The following ATP2C2 variants were observed in gnomAD, a reference collection of about 807,000 sequenced individuals.
The protein encoded by ATP2C2 is calcium-transporting ATPase type 2C member 2.
Under a neutral mutation model 110.8 loss-of-function variants are expected in ATP2C2, and 171 were observed. The observed-to-expected ratio is 1.54, with a 90% CI of 1.36 to 1.75. ATP2C2 has a LOEUF of 1.75. Ranked by LOEUF, ATP2C2 falls within the 40% of genes most tolerant of loss-of-function variation. ATP2C2 has a pLI of 0.00. For synonymous variants in ATP2C2, 804 were observed against 508.4 expected (o/e 1.58, Z -7.82); for missense variants, 1,963 against 1,235.0 (o/e 1.59, Z -8.84).
At chr16:84,405,313 C>CAACA in intron 3 of ATP2C2, 69 bp downstream of exon 3, 1 of 1,356,692 alleles carries the variant, frequency 7.4e-7, no homozygotes, top group Non-Finnish European at 1.0e-6. Context: ...GCCATTCCAT[C>CAACA]TTTCAATGTT....
intron 1 of ATP2C2, among the ~76,000 whole-genome samples, chr16:84,381,248 C>T (rs544758290): frequency 1.7e-4 from 26 of 152,084 alleles, no homozygotes; most frequent in Non-Finnish European, 2.8e-4. Flanking sequence ...AGTTAGAGTG[C>T]GGCAGAAACA....
Position 84,452,012 on chromosome 16 carries a change from A to T in ATP2C2, c.1752A>T (p.Glu584Asp), listed in dbSNP as rs1453967595. The change falls in exon 18 of 27, where the codon GAA becomes GAT. Residue 584 changes from glutamate to aspartate, a missense_variant. Physicochemically the swap from Glu to Asp is conservative, Grantham distance 45 (BLOSUM62 2). Coordinates refer to ENST00000262429, the MANE Select transcript of ATP2C2 (RefSeq NM_014861.4). ...ACCCCCCGAGAGTTGGCGTGAAGGAAGCAGTCCAGGTTCTCTCCGAGTCTG... is the reference window on the plus strand; with the variant it reads ...ACCCCCCGAGAGTTGGCGTGAAGGATGCAGTCCAGGTTCTCTCCGAGTCTG... ...IIDPPRVGVKEAVQVLSESGV... is the reference protein window; with the variant it reads ...IIDPPRVGVKDAVQVLSESGV... 6.2e-7 allele frequency: 1 copy of T among 1,613,172 alleles called. No homozygotes were observed. The highest frequency in any genetic ancestry group is 2.2e-5 in the East Asian group (1 of 44,814).
At chr16:84,437,008 C>T (rs901015105) in intron 11 of ATP2C2, among the ~76,000 whole-genome samples, 5 of 151,886 alleles carry the variant, frequency 3.3e-5, no homozygotes, top group African/African-American at 7.3e-5. Context: ...GTGATCGAGG[C>T]GCCTCAGCCT....
chr16:84,378,695 G>A (rs995820515), intron 1 of ATP2C2, among the ~76,000 whole-genome samples: 1 of 152,230 alleles, frequency 6.6e-6, no homozygotes, highest in Non-Finnish European at 1.5e-5. Context: ...AGCGCTCAGT[G>A]GTGGGGGCAG....
At position 84,453,161 on chromosome 16, in the gene ATP2C2, G is replaced by T; in HGVS notation, c.1855G>T (p.Gly619Trp). 1.9e-6 allele frequency: 3 copies of T among 1,613,478 alleles called. No individual in the cohort carries two copies. The highest frequency in any genetic ancestry group is 2.2e-5 in the East Asian group (1 of 44,850). The change falls in exon 19 of 27, where the codon GGG becomes TGG. Residue 619 changes from glycine (G) to tryptophan (W), a missense_variant. Coordinates refer to ENST00000262429, the MANE Select transcript of ATP2C2 (RefSeq NM_014861.4). The part of the protein sequence containing the change: ...AIGRNIGLCN[G>W]KLQAMSGEEV... ...AGGAAGAAACATCGGCCTGTGCAAC[G>T]GGAAGCTGCAAGCCATGTCCGGGGA...
chr16:84,433,341 C>G (rs938059520), intron 11 of ATP2C2, among the ~76,000 whole-genome samples: 2 of 152,018 alleles, frequency 1.3e-5, no homozygotes, highest in Admixed American at 1.3e-4. Flanking sequence ...CATGATCTTG[C>G]CACTGCACTC....
chr16:84,432,414 G>A (rs1193516269), intron 11 of ATP2C2, among the ~76,000 whole-genome samples: 1 of 151,966 alleles, frequency 6.6e-6, no homozygotes, highest in Non-Finnish European at 1.5e-5. Flanking sequence ...TAGGCATTTG[G>A]CCTAATGCTC....
At chr16:84,402,932 G>T (rs1905432261) in intron 2 of ATP2C2, among the ~76,000 whole-genome samples, 1 of 152,154 alleles carries the variant, frequency 6.6e-6, no homozygotes, top group Non-Finnish European at 1.5e-5. Flanking sequence ...CTAACCGGAA[G>T]ACTTTTTATT....
At chr16:84,383,502 C>A (rs1351400570) in intron 1 of ATP2C2, among the ~76,000 whole-genome samples, 6 of 152,194 alleles carry the variant, frequency 3.9e-5, no homozygotes. Flanking sequence ...GAACCTGTTT[C>A]TTCCCAGCCA....
intron 23 of ATP2C2, 190 bp downstream of exon 23, chr16:84,459,576 T>C (rs1209893220): frequency 6.5e-7 from 1 of 1,536,136 alleles, no homozygotes; most frequent in African/African-American, 1.4e-5. Context: ...AGAAAGTACC[T>C]GGGCCGGCAG....
At chr16:84,406,798 T>C (rs964931829) in intron 3 of ATP2C2, 3 of 294,188 alleles carry the variant, frequency 1.0e-5, no homozygotes, top group African/African-American at 2.3e-5. Context: ...TGGAGATCTC[T>C]TTGCTCTGCC....
chr16:84,383,867 G>A (rs560386929), intron 1 of ATP2C2, among the ~76,000 whole-genome samples: 2 of 142,894 alleles, frequency 1.4e-5, no homozygotes, highest in African/African-American at 2.6e-5. Context: ...TCGGCTCACT[G>A]CAGCATCCAA....
At chr16:84,432,043 G>A (rs1001458365) in intron 11 of ATP2C2, among the ~76,000 whole-genome samples, 1 of 152,166 alleles carries the variant, frequency 6.6e-6, no homozygotes, top group African/African-American at 2.4e-5. Context: ...CCCTGAGAGA[G>A]ATGGCAAACC....
At chr16:84,432,063 G>C (rs1261244052) in intron 11 of ATP2C2, among the ~76,000 whole-genome samples, 3 of 152,096 alleles carry the variant, frequency 2.0e-5, no homozygotes, top group Non-Finnish European at 4.4e-5. Context: ...CTGGATGGCC[G>C]CTCCCCCAAC....
intron 2 of ATP2C2, among the ~76,000 whole-genome samples, chr16:84,400,605 G>T (rs1003057838): frequency 6.6e-6 from 1 of 152,178 alleles, no homozygotes; most frequent in Admixed American, 6.5e-5. Context: ...GGGATTACAG[G>T]CATGAGCCAC....
chr16:84,422,655 C>G lies in ATP2C2; in HGVS notation c.801C>G (p.Ser267Arg). The change falls in exon 9 of 27, where the codon AGC becomes AGG. Residue 267 changes from serine (S) to arginine (R), a missense_variant. Physicochemically the swap from Ser to Arg is moderately radical, Grantham distance 110. Transcript: ENST00000262429. Reference sequence around the variant, plus strand: ...GGGTCGTGATTGGAACAGGGGAAAGCTCTCAGTTCGGAGAAGTGTTTAAGA... The same window carrying G: ...GGGTCGTGATTGGAACAGGGGAAAGGTCTCAGTTCGGAGAAGTGTTTAAGA... Reference protein sequence around the residue: ...GQGVVIGTGESSQFGEVFKMM... With the variant: ...GQGVVIGTGERSQFGEVFKMM... 1.2e-6 allele frequency: 2 copies of G among 1,613,582 alleles called. No homozygotes were observed. Among genetic ancestry groups the G allele is most frequent in the Non-Finnish European group, 8.5e-7 (1 of 1,179,836 alleles).
At chr16:84,386,562 A>C (rs1194420871) in intron 1 of ATP2C2, among the ~76,000 whole-genome samples, 1 of 152,170 alleles carries the variant, frequency 6.6e-6, no homozygotes. Flanking sequence ...TCATGCTCCA[A>C]GTATCTCACT....
At chr16:84,408,599 G>T in intron 4 of ATP2C2, 105 bp downstream of exon 4, 2 of 845,700 alleles carry the variant, frequency 2.4e-6, no homozygotes, top group South Asian at 1.6e-5. Context: ...CTGTAGGGGG[G>T]AAAAAGGAGC....
Position 84,410,719 on chromosome 16 carries a change from A to G in ATP2C2, c.469A>G (p.Lys157Glu). The G allele has an allele frequency of 6.2e-7, 1 of 1,614,178 alleles. No homozygotes were observed. The highest frequency in any genetic ancestry group is 8.5e-7 in the Non-Finnish European group (1 of 1,180,022). Reference sequence around the variant, plus strand: ...TTCCTGCCAGGAGTACAGGTCGGAGAAATCTCTGGAAGAGCTGACCAAGCT... The same window carrying G: ...TTCCTGCCAGGAGTACAGGTCGGAGGAATCTCTGGAAGAGCTGACCAAGCT... ...VAFIQEYRSEKSLEELTKLVP... is the reference protein window; with the variant it reads ...VAFIQEYRSEESLEELTKLVP... Residue 157 changes from lysine to glutamate, a missense_variant, in exon 6 of 27, where the codon AAA (lysine) becomes GAA (glutamate). By Grantham distance (56) the Lys-to-Glu change is moderately conservative. Transcript: ENST00000262429.
Sources: allele counts gnomAD v4.1 joint callset (sites outside exome capture counted in the v4.1 genomes callset), GRCh38; gene constraint gnomAD v4.1.1; transcripts MANE v1.5; gene names NCBI Gene and HGNC (gene_info 2026-07-23, HGNC 2026-07-21).